Variants in FOXN3 observed in about 807,000 individuals in gnomAD.
The protein encoded by FOXN3 is forkhead box N3.
In FOXN3, 7 loss-of-function variants were observed where a neutral mutation model predicts 38.4. That is an observed-to-expected ratio of 0.18 (90% CI 0.10 to 0.34). The LOEUF (loss-of-function observed/expected upper bound fraction) is 0.34. Among genes scored for constraint, FOXN3 ranks in the 10% least tolerant of loss-of-function variants. The pLI is 1.00. For synonymous variants in FOXN3, 230 were observed against 242.2 expected, an observed-to-expected ratio of 0.95 and a Z score of 0.47; for missense variants, 456 against 613.4, an observed-to-expected ratio of 0.74 and a Z score of 2.71.
intron 3 of FOXN3, among the ~76,000 whole-genome samples, chr14:89,310,671 C>T (rs1404810052): frequency 6.6e-6 from 1 of 152,138 alleles, no homozygotes; most frequent in Middle Eastern, 3.2e-3. Flanking sequence ...AAGAAAAGTA[C>T]CTGCTAGCAT....
chr14:89,468,091 A>C (rs568943327), intron 1 of FOXN3, among the ~76,000 whole-genome samples: 58 of 151,688 alleles, frequency 3.8e-4, no homozygotes, highest in African/African-American at 1.4e-3. Context: ...TTTTTTATAA[A>C]TAGGATCCCA....
chr14:89,590,708 AAAG>A (rs1365295356), intron 1 of FOXN3, among the ~76,000 whole-genome samples: 3 of 152,142 alleles, frequency 2.0e-5, no homozygotes, highest in Non-Finnish European at 2.9e-5. Context: ...CCTCTTCCCC[AAAG>A]AAGGACATAG....
chr14:89,251,144 G>A (rs1885441829), intron 4 of FOXN3, among the ~76,000 whole-genome samples: 1 of 152,186 alleles, frequency 6.6e-6, no homozygotes, highest in African/African-American at 2.4e-5. Context: ...CTAACAAAAT[G>A]CCCCTACTTG....
chr14:89,598,560 C>T (rs1896102073), intron 1 of FOXN3, among the ~76,000 whole-genome samples: 1 of 152,216 alleles, frequency 6.6e-6, no homozygotes, highest in Admixed American at 6.5e-5. Flanking sequence ...GCTGGGATTA[C>T]AGGCATGAGC....
chr14:89,491,602 T>C (rs1287744511), intron 1 of FOXN3, among the ~76,000 whole-genome samples: 1 of 152,198 alleles, frequency 6.6e-6, no homozygotes, highest in Admixed American at 6.5e-5. Flanking sequence ...TGGAAAGCCC[T>C]GGATGCCAAC....
chr14:89,511,166 TTTCTTTC>T (rs1343431486), intron 1 of FOXN3, among the ~76,000 whole-genome samples: 952 of 24,552 alleles, frequency 0.039, 289 homozygotes, highest in Admixed American at 0.26. Context: ...TCTTTCTTTC[TTTCTTTC>T]TTTCTTTCTT....
chr14:89,505,063 G>C (rs1000214797), intron 1 of FOXN3, among the ~76,000 whole-genome samples: 3 of 152,194 alleles, frequency 2.0e-5, no homozygotes, highest in African/African-American at 7.2e-5. Context: ...TGCATGCTCC[G>C]TGAATTACTT....
chr14:89,473,647 C>A (rs767686399), intron 1 of FOXN3, among the ~76,000 whole-genome samples: 5 of 152,194 alleles, frequency 3.3e-5, no homozygotes, highest in Non-Finnish European at 5.9e-5. Flanking sequence ...GGATTACAGG[C>A]ACAAGCCACC....
At chr14:89,314,623 T>A (rs1363650292) in intron 3 of FOXN3, among the ~76,000 whole-genome samples, 1 of 152,234 alleles carries the variant, frequency 6.6e-6, no homozygotes, top group Non-Finnish European at 1.5e-5. Flanking sequence ...GCTTAATAAG[T>A]GTCGTGCAAC....
At chr14:89,610,284 T>C (rs1332446631) in intron 1 of FOXN3, among the ~76,000 whole-genome samples, 1 of 152,210 alleles carries the variant, frequency 6.6e-6, no homozygotes, top group Non-Finnish European at 1.5e-5. Flanking sequence ...GAACCTTCTC[T>C]GGCTGAAGGC....
chr14:89,473,174 C>G (rs1388554393), intron 1 of FOXN3, among the ~76,000 whole-genome samples: 7 of 150,614 alleles, frequency 4.6e-5, no homozygotes, highest in South Asian at 4.2e-4. Flanking sequence ...ACAGGCGCCT[C>G]CCACCACGCC....
At chr14:89,334,349 C>A (rs1888372696) in intron 3 of FOXN3, among the ~76,000 whole-genome samples, 1 of 152,142 alleles carries the variant, frequency 6.6e-6, no homozygotes, top group Non-Finnish European at 1.5e-5. Flanking sequence ...GTGGCTCACG[C>A]CTGTAATCCC....
At chr14:89,375,102 G>A (rs987020355) in intron 2 of FOXN3, among the ~76,000 whole-genome samples, 1 of 152,166 alleles carries the variant, frequency 6.6e-6, no homozygotes, top group Non-Finnish European at 1.5e-5. Flanking sequence ...TTTGGTGGAG[G>A]GGTAGGAGAT....
intron 1 of FOXN3, among the ~76,000 whole-genome samples, chr14:89,516,377 C>T (rs1292897534): frequency 1.3e-5 from 2 of 151,982 alleles, no homozygotes; most frequent in Non-Finnish European, 2.9e-5. Flanking sequence ...AGTAAACCAC[C>T]GAAATTTCAC....
intron 1 of FOXN3, among the ~76,000 whole-genome samples, chr14:89,470,753 C>T (rs1007895149): frequency 1.3e-5 from 2 of 152,208 alleles, no homozygotes; most frequent in Admixed American, 1.3e-4. Flanking sequence ...GACACAGGCA[C>T]TCCGTCCCAA....
intron 5 of FOXN3, among the ~76,000 whole-genome samples, chr14:89,177,495 T>C (rs1887553207): frequency 1.3e-5 from 2 of 152,068 alleles, no homozygotes; most frequent in African/African-American, 2.4e-5. Flanking sequence ...TACAAAGCTA[T>C]TGCCACTCAG....
At chr14:89,293,460 T>G (rs2139936869) in intron 3 of FOXN3, among the ~76,000 whole-genome samples, 1 of 152,300 alleles carries the variant, frequency 6.6e-6, no homozygotes, top group Admixed American at 6.5e-5. Flanking sequence ...GGAGAATCTG[T>G]TCCTGGCCTC....
At chr14:89,401,193 G>C (rs149731832) in intron 2 of FOXN3, among the ~76,000 whole-genome samples, 3 of 152,158 alleles carry the variant, frequency 2.0e-5, no homozygotes, top group Non-Finnish European at 2.9e-5. Flanking sequence ...TGTAATCCCA[G>C]CACTTTGGGA....
At chr14:89,592,403 A>G (rs1480149607) in intron 1 of FOXN3, among the ~76,000 whole-genome samples, 1 of 152,236 alleles carries the variant, frequency 6.6e-6, no homozygotes. Flanking sequence ...TTAAATGTAC[A>G]GCAGAATGAC....
Sources: gnomAD v4.1 joint callset for allele counts (sites outside exome capture counted in the v4.1 genomes callset) on GRCh38, gnomAD v4.1.1 for gene constraint, MANE v1.5 for transcripts, NCBI Gene and HGNC (gene_info 2026-07-23, HGNC 2026-07-21) for gene names.